The following ZFYVE9 variants were observed in gnomAD, a reference collection of about 807,000 sequenced individuals.
ZFYVE9 encodes the protein zinc finger FYVE-type containing 9.
A neutral mutation model predicts 126.7 loss-of-function variants in ZFYVE9; 43 were observed. The ratio of observed to expected loss-of-function variants is 0.34; its 90% CI spans 0.27 to 0.44. The LOEUF (loss-of-function observed/expected upper bound fraction) is 0.44. Among genes scored for constraint, ZFYVE9 ranks in the 20% least tolerant of loss-of-function variants. The probability of loss-of-function intolerance (pLI) is 1.00; values close to 1 mark genes in which losing one functional copy is unlikely to be tolerated. For missense variants in ZFYVE9, 1,476 were observed against 1,697.0 expected, an observed-to-expected ratio of 0.87 and a Z score of 2.29; for synonymous variants, 521 against 597.4, an observed-to-expected ratio of 0.87 and a Z score of 1.87.
Position 52,238,381 on chromosome 1 carries a change from G to A in ZFYVE9, c.964G>A (p.Glu322Lys), listed in dbSNP as rs1281262763. 2 of 1,613,918 alleles carry A rather than the reference G, an allele frequency of 1.2e-6. No homozygotes were observed. Among genetic ancestry groups the A allele is most frequent in the South Asian group, 1.1e-5 (1 of 91,082 alleles). ...HMSEGILMKK[E>K]PAEESTTEES... is the part of the protein sequence containing the mutation. The stretch of plus-strand genomic sequence containing the variant: ...GAGTGAGGGGATTTTGATGAAAAAA[G>A]AGCCAGCAGAGGAGAGCACCACTGA... The change falls in exon 4 of 19, where the codon GAG becomes AAG. Residue 322 changes from glutamate to lysine, a missense_variant. Physicochemically the swap from Glu to Lys is moderately conservative, Grantham distance 56. Transcript: ENST00000287727.
rs368080702 is a variant in ZFYVE9, at chr1:52,171,685, C to T, written c.-143+29282C>T. Among the ~76,000 whole-genome samples, 11 of 151,970 alleles carry T rather than the reference C, an allele frequency of 7.2e-5. No individual in the cohort carries two copies. In the East Asian group the frequency reaches 7.7e-4, roughly 11 times the overall value. The stretch of plus-strand genomic sequence containing the variant: ...TGTTGTTTCCTGACTTTTTAATGAT[C>T]GCCATTCTAACTGGTATGAGATGGT... On this transcript the variant is annotated intron_variant, in intron 1 of 18. Coordinates refer to ENST00000287727, the MANE Select transcript of ZFYVE9 (RefSeq NM_004799.4).
At chr1:52,286,086 G>A (rs1645855911) in intron 10 of ZFYVE9, among the ~76,000 whole-genome samples, 2 of 151,630 alleles carry the variant, frequency 1.3e-5, no homozygotes, top group South Asian at 2.1e-4. Context: ...AACCCTGGAG[G>A]CAGAGGTTGC....
At position 52,314,782 on chromosome 1, in the gene ZFYVE9, A is replaced by G. The variant is rs185269275; in HGVS notation, c.3438+10857A>G. Among the ~76,000 whole-genome samples, 637 of 152,172 alleles carry G rather than the reference A, an allele frequency of 4.2e-3. 1 individual carries two copies. The highest frequency in any genetic ancestry group is 6.1e-3 in the Non-Finnish European group (418 of 67,992). ...AGCCGAGATTGCACCACTGCACTCC[A>G]ACTTGGACTACAGAGTGAGACCCGG... On this transcript the variant is annotated intron_variant, in intron 13 of 18. Coordinates refer to ENST00000287727, the MANE Select transcript of ZFYVE9 (RefSeq NM_004799.4).
intron 13 of ZFYVE9, among the ~76,000 whole-genome samples, chr1:52,328,351 C>T (rs960044103): frequency 7.9e-5 from 12 of 152,300 alleles, no homozygotes; most frequent in South Asian, 2.1e-4. Context: ...AGCAGAATAA[C>T]ACAACCAAAA....
chr1:52,298,965 C>T (rs1203921687), intron 12 of ZFYVE9, among the ~76,000 whole-genome samples: 5 of 151,966 alleles, frequency 3.3e-5, no homozygotes, highest in African/African-American at 1.2e-4. Context: ...CCCGCCACCA[C>T]GCCTGGCCAA....
chr1:52,291,004 T>C (rs1387650624), intron 10 of ZFYVE9, among the ~76,000 whole-genome samples: 1 of 152,184 alleles, frequency 6.6e-6, no homozygotes. Context: ...CCCATATCTC[T>C]GGGACTCCAA....
At chr1:52,317,524 A>G (rs533459157) in intron 13 of ZFYVE9, among the ~76,000 whole-genome samples, 2 of 152,170 alleles carry the variant, frequency 1.3e-5, no homozygotes, top group East Asian at 1.9e-4. Context: ...TCTCAAATCA[A>G]TGACCTACTC....
chr1:52,332,533 A>G (rs1335932788), intron 13 of ZFYVE9, among the ~76,000 whole-genome samples: 2 of 152,212 alleles, frequency 1.3e-5, no homozygotes, highest in African/African-American at 4.8e-5. Flanking sequence ...TGCAAAATGT[A>G]TCATGTGCTT....
chr1:52,168,969 C>G (rs1644539352), intron 1 of ZFYVE9, among the ~76,000 whole-genome samples: 1 of 152,168 alleles, frequency 6.6e-6, no homozygotes, highest in African/African-American at 2.4e-5. Context: ...ATCTGCTACT[C>G]TTTCCCTCCC....
At chr1:52,191,971 T>C (rs1644819770) in intron 1 of ZFYVE9, among the ~76,000 whole-genome samples, 2 of 152,084 alleles carry the variant, frequency 1.3e-5, no homozygotes, top group South Asian at 4.2e-4. Flanking sequence ...ATGAAAAATA[T>C]TAAATGGACA....
chr1:52,240,598 A>G (rs1054325054), intron 4 of ZFYVE9, among the ~76,000 whole-genome samples: 1 of 152,176 alleles, frequency 6.6e-6, no homozygotes, highest in Non-Finnish European at 1.5e-5. Context: ...AACAGAAGCT[A>G]TGAGACTCAG....
In ZFYVE9 at chr1:52,293,647, C is replaced by A. The variant is rs530780120; in HGVS notation, c.3220C>A (p.Leu1074Met). The change falls in exon 11 of 19, where the codon CTG becomes ATG. Residue 1074 changes from leucine (L) to methionine (M), a missense_variant. Around this residue, in one of 2 missense-constraint regions of ZFYVE9, gnomAD observed 669 missense variants for 902.4 expected, o/e 0.74. Coordinates refer to ENST00000287727, the MANE Select transcript of ZFYVE9 (RefSeq NM_004799.4). Reference sequence around the variant, plus strand: ...TTGGGCTAAAGTATTTCCTATCCGTCTGATGTTGAGACTTGGAGCTGAATA... The same window carrying A: ...TTGGGCTAAAGTATTTCCTATCCGTATGATGTTGAGACTTGGAGCTGAATA... ...TPWAKVFPIR[L>M]MLRLGAEYRL... is the part of the protein sequence containing the mutation. 1.1e-4 allele frequency: 182 copies of A among 1,614,108 alleles called. No homozygotes were observed. Among genetic ancestry groups the A allele is most frequent in the Admixed American group, 4.3e-4 (26 of 59,994 alleles).
chr1:52,167,014 G>A (rs1399024860), intron 1 of ZFYVE9, among the ~76,000 whole-genome samples: 1 of 152,242 alleles, frequency 6.6e-6, no homozygotes, highest in Non-Finnish European at 1.5e-5. Flanking sequence ...TAAAGATTAT[G>A]TATTGAATAT....
chr1:52,165,553 A>G (rs1161712282), intron 1 of ZFYVE9, among the ~76,000 whole-genome samples: 1 of 152,208 alleles, frequency 6.6e-6, no homozygotes, highest in Admixed American at 6.5e-5. Flanking sequence ...CCGCAGAATC[A>G]CCACTGAGAA....
At chr1:52,322,106 C>G (rs1042761908) in intron 13 of ZFYVE9, among the ~76,000 whole-genome samples, 3 of 152,224 alleles carry the variant, frequency 2.0e-5, no homozygotes, top group Non-Finnish European at 2.9e-5. Flanking sequence ...GCTTCTCCAT[C>G]TAAATTAATG....
At chr1:52,176,439 G>A (rs1572075597) in intron 1 of ZFYVE9, among the ~76,000 whole-genome samples, 1 of 152,190 alleles carries the variant, frequency 6.6e-6, no homozygotes, top group African/African-American at 2.4e-5. Context: ...GCTGGTCAAG[G>A]GTCAAGGACC....
At position 52,297,595 on chromosome 1, in the gene ZFYVE9, T is replaced by C. The variant is rs193226626; in HGVS notation, c.3333+1618T>C. ...TCTAATTCCAGAGCACTGAAATGGT[T>C]CTTTTTAAGCCACTTATACAGCTTT... is the stretch of plus-strand genomic sequence containing the variant. On this transcript the variant is annotated intron_variant, in intron 12 of 18. Coordinates refer to ENST00000287727, the MANE Select transcript of ZFYVE9 (RefSeq NM_004799.4). Among the ~76,000 whole-genome samples the C allele has an allele frequency of 1.5e-4, 23 of 152,250 alleles. No homozygotes were observed. In the East Asian group the frequency reaches 4.2e-3, roughly 28 times the overall value.
intron 10 of ZFYVE9, among the ~76,000 whole-genome samples, chr1:52,292,777 T>C (rs1437607025): frequency 1.3e-5 from 2 of 151,986 alleles, no homozygotes; most frequent in Non-Finnish European, 2.9e-5. Context: ...CCTTGAACAT[T>C]TCTTTATGAC....
Position 52,303,944 on chromosome 1 carries a change from G to A in ZFYVE9, c.3438+19G>A. On this transcript the variant is annotated intron_variant, in intron 13 of 18. Transcript: ENST00000287727. Reference sequence around the variant, plus strand: ...CAATGAGGTAAGATTTACCATGAAGGCGTATTTTTCATAGTTGAAAACATG... The same window carrying A: ...CAATGAGGTAAGATTTACCATGAAGACGTATTTTTCATAGTTGAAAACATG... 3 of 1,544,832 alleles carry A rather than the reference G, an allele frequency of 1.9e-6. No individual in the cohort carries two copies. Among genetic ancestry groups the A allele is most frequent in the Non-Finnish European group, 1.8e-6 (2 of 1,140,760 alleles).
Sources: allele counts gnomAD v4.1 joint callset (sites outside exome capture counted in the v4.1 genomes callset), GRCh38; gene constraint gnomAD v4.1.1; regional missense constraint gnomAD v4.1.1; transcripts MANE v1.5; gene names NCBI Gene and HGNC (gene_info 2026-07-23, HGNC 2026-07-21).